Variants in KIF3A observed in about 807,000 individuals in gnomAD.
The protein encoded by KIF3A is kinesin family member 3A.
A neutral mutation model predicts 92.6 loss-of-function variants in KIF3A; 27 were observed. That is an observed-to-expected ratio of 0.29 (90% CI 0.21 to 0.40). The LOEUF (loss-of-function observed/expected upper bound fraction) is 0.40, where lower values mean the gene tolerates loss of function less well. Among genes scored for constraint, KIF3A ranks in the 10% least tolerant of loss-of-function variants. The pLI, the probability that KIF3A is intolerant of heterozygous loss-of-function variation, is 1.00. For synonymous variants in KIF3A, 250 were observed against 275.4 expected (o/e 0.91, Z 0.92); for missense variants, 581 against 872.6 (o/e 0.67, Z 4.21).
chr5:132,710,418 C>T (rs1191201133), intron 9 of KIF3A, among the ~76,000 whole-genome samples: 1 of 152,120 alleles, frequency 6.6e-6, no homozygotes, highest in Admixed American at 6.5e-5. Context: ...AGATCAAGAC[C>T]AGCCTGGCTA....
downstream of KIF3A, among the ~76,000 whole-genome samples, chr5:132,690,102 G>A (rs774221366): frequency 6.6e-6 from 1 of 152,180 alleles, no homozygotes; most frequent in African/African-American, 2.4e-5. Flanking sequence ...TGTAGTACCA[G>A]CTACTTGGCA....
intron 4 of KIF3A, chr5:132,723,722 T>C (rs926717673): frequency 5.9e-5 from 9 of 152,160 alleles, no homozygotes; most frequent in African/African-American, 9.7e-5. Context: ...GGCAATACCA[T>C]TCAGGACATA....
At chr5:132,706,554 C>A in intron 10 of KIF3A, 95 bp from the exon 11 acceptor site, 3 of 1,032,780 alleles carry the variant, frequency 2.9e-6, no homozygotes, top group South Asian at 1.7e-5. Flanking sequence ...TCTTGTGAAA[C>A]AAAGAAAAAT....
At chr5:132,691,821 G>C (rs1264513416), downstream of KIF3A, among the ~76,000 whole-genome samples, 1 of 152,016 alleles carries the variant, frequency 6.6e-6, no homozygotes, top group Non-Finnish European at 1.5e-5. Flanking sequence ...AGAATTGCTT[G>C]AATCCAGGAG....
chr5:132,724,806 AATATATATATATATATAT>A (rs1167332306), intron 4 of KIF3A, among the ~76,000 whole-genome samples: 28 of 22,700 alleles, frequency 1.2e-3, no homozygotes, highest in Non-Finnish European at 1.7e-3. Flanking sequence ...AAAAAAAAAA[AATATATATATATATATAT>A]ATATATATAT....
intron 10 of KIF3A, among the ~76,000 whole-genome samples, chr5:132,707,973 A>C (rs1454161748): frequency 6.6e-6 from 1 of 152,214 alleles, no homozygotes; most frequent in Non-Finnish European, 1.5e-5. Flanking sequence ...TGCATTCTCT[A>C]ATCATACCTT....
intron 11 of KIF3A, among the ~76,000 whole-genome samples, chr5:132,705,213 A>G (rs1753168441): frequency 6.6e-6 from 1 of 152,010 alleles, no homozygotes; most frequent in South Asian, 2.1e-4. Flanking sequence ...CATCAGTCAT[A>G]CTATGTCTTA....
intron 4 of KIF3A, among the ~76,000 whole-genome samples, chr5:132,725,463 G>C (rs375347034): frequency 3.3e-5 from 5 of 152,154 alleles, no homozygotes; most frequent in African/African-American, 1.2e-4. Flanking sequence ...ACCAAATCAA[G>C]ACTCACAGAG....
chr5:132,688,924 G>T (rs575418363), downstream of KIF3A, among the ~76,000 whole-genome samples: 7 of 152,194 alleles, frequency 4.6e-5, no homozygotes, highest in Non-Finnish European at 1.0e-4. Flanking sequence ...CCTCTAAAAA[G>T]GGATGGGGGA....
rs1414473253 is a variant in KIF3A, at chr5:132,706,467, T to C, written c.1301-8A>G. On this transcript the variant is annotated splice_region_variant and splice_polypyrimidine_tract_variant and intron_variant, in intron 10 of 18. Coordinates refer to ENST00000403231, the MANE Select transcript of KIF3A (RefSeq NM_001300791.2). ...CACACCAACCTGCTTGATCTTGCAA[T>C]AAGAAGTAGTAAGCAAATCGCAGAC... is the stretch of plus-strand genomic sequence containing the variant. 6.5e-7 allele frequency: 1 copy of C among 1,541,472 alleles called. No individual in the cohort carries two copies. The highest frequency in any genetic ancestry group is 2.5e-5 in the East Asian group (1 of 39,964).
intron 4 of KIF3A, among the ~76,000 whole-genome samples, chr5:132,724,118 TAGA>T (rs1753921366): frequency 6.6e-6 from 1 of 152,094 alleles, no homozygotes. Context: ...TCACACCAAT[TAGA>T]ATGGCGATCA....
rs1398764184 is a variant in KIF3A at position 132,693,689 on chromosome 5, A to C, written c.*2945T>G. 6.6e-6 allele frequency: 1 copy of C among 152,616 alleles called. No individual in the cohort carries two copies. The allele number at this position is 152,616 out of a possible 1,614,324, so 9.5% of individuals were successfully genotyped here. A position where few individuals can be genotyped will look rare whatever the true frequency, so the allele number is the denominator to read the frequency against. ...CCCATATTTGCATATAGATATTCAG[A>C]CCAGGCTTGAGGCCAGGCGTGGTGG... On this transcript the variant is annotated 3_prime_UTR_variant, in exon 19 of 19. Transcript: ENST00000403231.
At chr5:132,701,262 C>T (rs888845089) in intron 15 of KIF3A, among the ~76,000 whole-genome samples, 1 of 151,886 alleles carries the variant, frequency 6.6e-6, no homozygotes, top group Admixed American at 6.6e-5. Context: ...TTTTGGGAGG[C>T]CAAAACGGGC....
chr5:132,703,809 A>T (rs1753123840), intron 11 of KIF3A, among the ~76,000 whole-genome samples, 190 bp from the exon 12 acceptor site: 1 of 151,988 alleles, frequency 6.6e-6, no homozygotes, highest in African/African-American at 2.4e-5. Flanking sequence ...TTTATAACTC[A>T]TTGCTAAATT....
intron 15 of KIF3A, 150 bp from the exon 16 acceptor site, chr5:132,700,850 T>C (rs1753012728): frequency 7.7e-6 from 4 of 520,184 alleles, no homozygotes; most frequent in Non-Finnish European, 1.0e-5. Context: ...CTAAAATACA[T>C]ATTTCTTAGG....
intron 18 of KIF3A, 146 bp from the exon 19 acceptor site, chr5:132,696,828 A>G (rs956199159): frequency 6.5e-6 from 4 of 612,152 alleles, no homozygotes; most frequent in African/African-American, 3.7e-5. Context: ...GTAAGTGTTC[A>G]ATTAATGCTC....
chr5:132,689,495 A>G (rs1474118852), downstream of KIF3A: 2 of 152,236 alleles, frequency 1.3e-5, no homozygotes, highest in Non-Finnish European at 2.9e-5. Context: ...CCTATCAGCA[A>G]AAGCACAGTG....
At chr5:132,699,431 CA>C (rs1339272159) in intron 17 of KIF3A, 136 bp from the exon 18 acceptor site, 58 of 796,228 alleles carry the variant, frequency 7.3e-5, no homozygotes, top group Non-Finnish European at 1.1e-4. Context: ...CTAATGACAT[CA>C]TCTTCTAATC....
rs767214521 is a variant in KIF3A, at chr5:132,716,105, G to C, written c.954+140C>G. ...AGGACACTATTATGGGCTAATACAC[G>C]AGTGTACCACAAAAAGGACAACCAC... On this transcript the variant is annotated intron_variant, in intron 7 of 18. Transcript: ENST00000403231. 2.8e-4 allele frequency: 233 copies of C among 844,064 alleles called. 1 individual carries two copies. Among genetic ancestry groups the C allele is most frequent in the Non-Finnish European group, 3.6e-4 (198 of 546,494 alleles). 52.3% of individuals were successfully genotyped at this position (844,064 alleles called of 1,614,324 possible).
Sources: gnomAD v4.1 joint callset for allele counts (sites outside exome capture counted in the v4.1 genomes callset) on GRCh38, gnomAD v4.1.1 for gene constraint, MANE v1.5 for transcripts, NCBI Gene and HGNC (gene_info 2026-07-23, HGNC 2026-07-21) for gene names.